KL: variants seen among roughly 807,000 people sequenced by gnomAD.
KL encodes alpha-klotho.
Under a neutral mutation model 84.2 loss-of-function variants are expected in KL, and 62 were observed. That is an observed-to-expected ratio of 0.74 (90% confidence interval 0.60 to 0.91). The LOEUF (loss-of-function observed/expected upper bound fraction) is 0.91. KL is among the 40% of genes least tolerant of loss of function. KL has a pLI of 0.00. For synonymous variants in KL, 528 were observed against 528.0 expected (o/e 1.00, Z 0.00); for missense variants, 1,261 against 1,305.7 (o/e 0.97, Z 0.53).
At chr13:33,018,332 A>C (rs1870447884) in intron 1 of KL, among the ~76,000 whole-genome samples, 1 of 152,234 alleles carries the variant, frequency 6.6e-6, no homozygotes. Flanking sequence ...TATTCTGAAC[A>C]AAGTCAGTAC....
chr13:33,050,609 G>T lies in KL; in HGVS notation c.820-3158G>T, dbSNP rs76598112. Among the ~76,000 whole-genome samples the T allele has an allele frequency of 8.5e-3, 1,288 of 152,298 alleles. 14 individuals are homozygous for T. Among genetic ancestry groups the T allele is most frequent in the African/African-American group, 0.017 (715 of 41,558 alleles). ...ATGTGTGAGACTCTTGGTGTCCAGA[G>T]GAGGGGCATGCAGCACAGTATGGGG... On this transcript the variant is annotated intron_variant, in intron 1 of 4. Coordinates refer to ENST00000380099, the MANE Select transcript of KL (RefSeq NM_004795.4).
intron 4 of KL, 142 bp downstream of exon 4, chr13:33,061,922 G>C: frequency 1.2e-6 from 1 of 836,928 alleles, no homozygotes; most frequent in Non-Finnish European, 2.0e-6. Flanking sequence ...AACAGTCCAA[G>C]AGATATCTAG....
intron 3 of KL, 108 bp from the exon 4 acceptor site, chr13:33,060,571 G>A: frequency 1.6e-6 from 2 of 1,216,648 alleles, no homozygotes; most frequent in Non-Finnish European, 2.4e-6. Flanking sequence ...CAGCTAGAAA[G>A]GCTTCTATTT....
At chr13:33,052,012 A>G (rs1286290052) in intron 1 of KL, among the ~76,000 whole-genome samples, 1 of 152,208 alleles carries the variant, frequency 6.6e-6, no homozygotes, top group African/African-American at 2.4e-5. Context: ...GCTGGAGGTC[A>G]GTGGTGTGAA....
intron 1 of KL, among the ~76,000 whole-genome samples, chr13:33,042,472 A>G (rs1241522317): frequency 6.6e-6 from 1 of 152,094 alleles, no homozygotes; most frequent in Non-Finnish European, 1.5e-5. Context: ...GAATCAAACA[A>G]CTCTGTGAAT....
At position 33,022,256 on chromosome 13, in the gene KL, G is replaced by A. The variant is rs116954563; in HGVS notation, c.819+4997G>A. 2.5e-3 allele frequency among the ~76,000 whole-genome samples: 384 copies of A among 152,250 alleles called. 2 individuals are homozygous for A. Among genetic ancestry groups the A allele is most frequent in the Non-Finnish European group, 4.0e-3 (274 of 68,022 alleles). On this transcript the variant is annotated intron_variant, in intron 1 of 4. Coordinates refer to ENST00000380099, the MANE Select transcript of KL (RefSeq NM_004795.4). The stretch of plus-strand genomic sequence containing the variant: ...TGCCAGCTGAATATGTAGCAATCAC[G>A]GCTTTTGCACATAGAAGCCTTCTGA...
At position 33,038,466 on chromosome 13, in the gene KL, A is replaced by G. The variant is rs184070936; in HGVS notation, c.820-15301A>G. Among the ~76,000 whole-genome samples the G allele has an allele frequency of 3.3e-5, 5 of 152,358 alleles. No individual in the cohort carries two copies. In the East Asian group the frequency reaches 9.6e-4, roughly 29 times the overall value. ...AGAGGTGGCACAGGCTAGAAAAGAT[A>G]GTCCAATTATTTGGCTTAATTATTT... On this transcript the variant is annotated intron_variant, in intron 1 of 4. Transcript: ENST00000380099.
Position 33,057,602 on chromosome 13 carries a change from C to T in KL, c.1599+2287C>T, listed in dbSNP as rs145668665. On this transcript the variant is annotated intron_variant, in intron 3 of 4. Coordinates refer to ENST00000380099, the MANE Select transcript of KL (RefSeq NM_004795.4). ...TCATCAGCTTGGGGACCCCACCCCT[C>T]CTCCTGGCAGTCTCCTCCTGTGCAG... Among the ~76,000 whole-genome samples the T allele has an allele frequency of 2.1e-3, 324 of 152,216 alleles. 1 individual carries two copies. The highest frequency in any genetic ancestry group is 0.02 in the Middle Eastern group (6 of 294).
At chr13:33,062,977 T>G (rs989790261) in intron 4 of KL, among the ~76,000 whole-genome samples, 2 of 151,988 alleles carry the variant, frequency 1.3e-5, no homozygotes, top group African/African-American at 4.8e-5. Flanking sequence ...AGTAACAGGT[T>G]AGACACATGC....
chr13:33,020,920 C>T (rs1209851365), intron 1 of KL, among the ~76,000 whole-genome samples: 1 of 152,248 alleles, frequency 6.6e-6, no homozygotes, highest in Admixed American at 6.5e-5. Flanking sequence ...CTGGAGCCAG[C>T]TAACACGCTC....
chr13:33,029,295 T>C (rs1397295539), intron 1 of KL, among the ~76,000 whole-genome samples: 1 of 152,214 alleles, frequency 6.6e-6, no homozygotes, highest in East Asian at 1.9e-4. Flanking sequence ...GAAATAGGGT[T>C]ATGAATAAAC....
At chr13:33,026,413 C>T (rs568288590) in intron 1 of KL, among the ~76,000 whole-genome samples, 1 of 150,684 alleles carries the variant, frequency 6.6e-6, no homozygotes, top group South Asian at 2.2e-4. Flanking sequence ...AGCTGGAGGA[C>T]ATGCATTTTC....
At position 33,053,928 on chromosome 13, in the gene KL, T is replaced by C. The variant is rs756766194; in HGVS notation, c.981T>C (p.Phe327=). The C allele has an allele frequency of 1.9e-6, 3 of 1,614,184 alleles. No homozygotes were observed. The highest frequency in any genetic ancestry group is 2.5e-6 in the Non-Finnish European group (3 of 1,180,028). ...CTCTGGACTTTGTACTAGGTTGGTT[T>C]GCCAAACCCGTATTTATTGATGGTG... The part of the protein sequence containing the change: ...QKSLDFVLGW[F]AKPVFIDGDY... The change falls in exon 2 of 5, where the codon TTT becomes TTC. Residue 327 remains phenylalanine (F), a synonymous_variant. Transcript: ENST00000380099.
At chr13:33,018,973 C>T (rs905460635) in intron 1 of KL, among the ~76,000 whole-genome samples, 1 of 152,138 alleles carries the variant, frequency 6.6e-6, no homozygotes. Flanking sequence ...TTTTTGCCCA[C>T]TCATGGCCCT....
At chr13:33,045,520 G>T (rs1014439847) in intron 1 of KL, among the ~76,000 whole-genome samples, 4 of 151,964 alleles carry the variant, frequency 2.6e-5, no homozygotes. Context: ...TTCTCTTGTT[G>T]CCTGGGCTGG....
At position 33,054,100 on chromosome 13, in the gene KL, A is replaced by C. The variant is rs781429813; in HGVS notation, c.1153A>C (p.Lys385Gln). 11 of 1,614,066 alleles carry C rather than the reference A, an allele frequency of 6.8e-6. No homozygotes were observed. Among genetic ancestry groups the C allele is most frequent in the Non-Finnish European group, 9.3e-6 (11 of 1,180,014 alleles). The change falls in exon 2 of 5, where the codon AAG (lysine) becomes CAG (glutamine). Residue 385 changes from lysine to glutamine, a missense_variant. Physicochemically the swap from Lys to Gln is moderately conservative, Grantham distance 53. Transcript: ENST00000380099. ...LSFQLLDPHMKFRQLESPNLR... is the reference protein window; with the variant it reads ...LSFQLLDPHMQFRQLESPNLR... ...TTTTCAACTTTTGGACCCTCACATGAAGTTCCGCCAATTGGAATCTCCCAA... is the reference window on the plus strand; with the variant it reads ...TTTTCAACTTTTGGACCCTCACATGCAGTTCCGCCAATTGGAATCTCCCAA...
intron 1 of KL, among the ~76,000 whole-genome samples, chr13:33,034,351 G>A (rs1871083195): frequency 6.6e-6 from 1 of 152,090 alleles, no homozygotes; most frequent in South Asian, 2.1e-4. Context: ...TCAATTTGCT[G>A]CTTACCATGG....
At chr13:33,029,045 A>AT (rs1352535902) in intron 1 of KL, among the ~76,000 whole-genome samples, 5 of 152,178 alleles carry the variant, frequency 3.3e-5, no homozygotes, top group Non-Finnish European at 7.3e-5. Flanking sequence ...GGGAACTGTG[A>AT]TTTTTCTTGT....
chr13:33,041,806 C>T (rs933426999), intron 1 of KL, among the ~76,000 whole-genome samples: 1 of 152,138 alleles, frequency 6.6e-6, no homozygotes, highest in African/African-American at 2.4e-5. Context: ...AGGTCCCAGT[C>T]TTTTTTAGCA....
Sources: gnomAD v4.1 joint callset for allele counts (sites outside exome capture counted in the v4.1 genomes callset) on GRCh38, gnomAD v4.1.1 for gene constraint, MANE v1.5 for transcripts, NCBI Gene and HGNC (gene_info 2026-07-23, HGNC 2026-07-21) for gene names.